Variants in ZNF131 observed in about 807,000 individuals in gnomAD.
ZNF131 encodes the protein zinc finger protein 131.
A neutral mutation model predicts 60.0 loss-of-function variants in ZNF131; 7 were observed. That is an observed-to-expected ratio of 0.12 (90% confidence interval 0.07 to 0.22). The LOEUF (loss-of-function observed/expected upper bound fraction) is 0.22, where lower values mean the gene tolerates loss of function less well. Ranked by LOEUF, ZNF131 falls within the 10% of genes least tolerant of loss-of-function variation. ZNF131 has a pLI of 1.00. For missense variants in ZNF131, 493 were observed against 740.9 expected (o/e 0.67, Z 3.88); for synonymous variants, 257 against 253.2 (o/e 1.01, Z -0.14).
intron 2 of ZNF131, 134 bp from the exon 3 acceptor site, chr5:43,123,075 G>T: frequency 1.6e-6 from 1 of 621,002 alleles, no homozygotes; most frequent in Non-Finnish European, 2.7e-6. Flanking sequence ...TCTGCATTTA[G>T]TTCAATAATT....
intron 3 of ZNF131, among the ~76,000 whole-genome samples, chr5:43,128,525 T>C (rs71627578): frequency 0.097 from 14,776 of 151,798 alleles, 854 homozygotes; most frequent in East Asian, 0.19. Context: ...GGCATGGTGG[T>C]GGGCACCTGT....
chr5:43,153,463 T>TAA (rs35596507), intron 4 of ZNF131, among the ~76,000 whole-genome samples: 1,351 of 61,140 alleles, frequency 0.022, 63 homozygotes, highest in South Asian at 0.04. Flanking sequence ...CCATCTCTAC[T>TAA]AAAAAAAAAA....
intron 5 of ZNF131, among the ~76,000 whole-genome samples, chr5:43,162,269 G>T (rs912757771): frequency 6.6e-6 from 1 of 152,154 alleles, no homozygotes; most frequent in Non-Finnish European, 1.5e-5. Context: ...TACATTTCTT[G>T]TGTCGTGTTA....
At chr5:43,159,127 G>A (rs1749322313) in intron 4 of ZNF131, among the ~76,000 whole-genome samples, 1 of 152,150 alleles carries the variant, frequency 6.6e-6, no homozygotes, top group Non-Finnish European at 1.5e-5. Flanking sequence ...TATTATAGCT[G>A]AAGAATCTCC....
At chr5:43,135,628 C>T (rs1745984925) in intron 3 of ZNF131, among the ~76,000 whole-genome samples, 1 of 152,034 alleles carries the variant, frequency 6.6e-6, no homozygotes, top group African/African-American at 2.4e-5. Context: ...TGGCCCATTC[C>T]TGTAGTCCCA....
intron 4 of ZNF131, chr5:43,143,477 T>C: frequency 7.8e-7 from 1 of 1,275,326 alleles, no homozygotes; most frequent in Non-Finnish European, 1.1e-6. Flanking sequence ...TTGAAGTTTC[T>C]TAATTTCCTA....
chr5:43,134,410 G>A (rs767406465), intron 3 of ZNF131, among the ~76,000 whole-genome samples: 14 of 152,202 alleles, frequency 9.2e-5, no homozygotes, highest in African/African-American at 3.1e-4. Context: ...CATACTCAAC[G>A]GTGAAAAACT....
chr5:43,138,464 C>G (rs1220957278), intron 3 of ZNF131, among the ~76,000 whole-genome samples: 3 of 152,068 alleles, frequency 2.0e-5, no homozygotes, highest in Non-Finnish European at 2.9e-5. Context: ...ACCAGCCTGA[C>G]CAACATGGGG....
At chr5:43,121,975 C>T in intron 1 of ZNF131, 64 bp from the exon 2 acceptor site, 4 of 1,542,058 alleles carry the variant, frequency 2.6e-6, no homozygotes, top group African/African-American at 1.4e-5. Context: ...TTGTTTTATG[C>T]TTTAGGGGTT....
chr5:43,169,233 G>A (rs917978014), intron 5 of ZNF131, among the ~76,000 whole-genome samples: 2 of 152,154 alleles, frequency 1.3e-5, no homozygotes, highest in African/African-American at 4.8e-5. Context: ...CTACTTTATA[G>A]GGTTGTGACA....
intron 4 of ZNF131, among the ~76,000 whole-genome samples, chr5:43,150,153 G>A (rs1748117216): frequency 6.6e-6 from 1 of 152,176 alleles, no homozygotes; most frequent in Non-Finnish European, 1.5e-5. Flanking sequence ...GGAATTCTGA[G>A]CTTTAGGAAA....
intron 5 of ZNF131, among the ~76,000 whole-genome samples, chr5:43,166,738 C>G (rs910960932): frequency 6.6e-6 from 1 of 152,058 alleles, no homozygotes; most frequent in African/African-American, 2.4e-5. Context: ...TCACTGCAAC[C>G]TCTGCCTCCC....
At position 43,161,381 on chromosome 5, in the gene ZNF131, T is replaced by G; in HGVS notation, c.504T>G (p.Ile168Met). ...CTGCAGAATCAGAACCTGTTGAAAT[T>G]GAGGTAGAGATTGCCGAAGGCACCA... ...LPSAESEPVE[I>M]EVEIAEGTIE... The change falls in exon 5 of 7, where the codon ATT becomes ATG. Residue 168 changes from isoleucine (I) to methionine (M), a missense_variant. Coordinates refer to ENST00000682664, the MANE Select transcript of ZNF131 (RefSeq NM_001330707.2). 3 of 1,614,170 alleles carry G rather than the reference T, an allele frequency of 1.9e-6. No individual in the cohort carries two copies. The highest frequency in any genetic ancestry group is 2.5e-6 in the Non-Finnish European group (3 of 1,180,034).
intron 4 of ZNF131, among the ~76,000 whole-genome samples, chr5:43,159,468 C>G (rs1298907325): frequency 2.0e-5 from 3 of 151,834 alleles, no homozygotes; most frequent in Admixed American, 2.0e-4. Context: ...CCGAGGTGGG[C>G]AGATCACCTG....
At chr5:43,161,199 T>G (rs758250077) in intron 4 of ZNF131, 50 bp from the exon 5 acceptor site, 2 of 1,492,602 alleles carry the variant, frequency 1.3e-6, no homozygotes, top group Non-Finnish European at 1.8e-6. Flanking sequence ...CAAAAAAGCC[T>G]GGTAGGATCT....
At chr5:43,148,725 G>A (rs1483353291) in intron 4 of ZNF131, among the ~76,000 whole-genome samples, 7 of 152,192 alleles carry the variant, frequency 4.6e-5, no homozygotes, top group African/African-American at 1.7e-4. Flanking sequence ...GTATGTTATT[G>A]TAGTATTAAT....
intron 3 of ZNF131, among the ~76,000 whole-genome samples, chr5:43,125,888 G>C (rs1744488531): frequency 1.3e-5 from 2 of 152,192 alleles, no homozygotes; most frequent in African/African-American, 4.8e-5. Flanking sequence ...CTGAAGACTA[G>C]TCACCTTGAG....
intron 3 of ZNF131, among the ~76,000 whole-genome samples, chr5:43,125,508 C>T (rs1744420623): frequency 1.3e-5 from 2 of 149,392 alleles, no homozygotes; most frequent in African/African-American, 4.9e-5. Flanking sequence ...TGGCCGGATG[C>T]GGTGGCTCAC....
chr5:43,149,268 A>AG (rs1161705421), intron 4 of ZNF131, among the ~76,000 whole-genome samples: 1 of 152,124 alleles, frequency 6.6e-6, no homozygotes, highest in African/African-American at 2.4e-5. Flanking sequence ...GAGAAAAAAA[A>AG]AAAAGGCTGG....
Sources: allele counts gnomAD v4.1 joint callset (sites outside exome capture counted in the v4.1 genomes callset), GRCh38; gene constraint gnomAD v4.1.1; transcripts MANE v1.5; gene names NCBI Gene and HGNC (gene_info 2026-07-23, HGNC 2026-07-21).